The following LRRC7 variants were observed in gnomAD, a reference collection of about 807,000 sequenced individuals.
LRRC7 encodes leucine rich repeat containing 7, also known as leucine-rich repeat-containing protein 7.
LRRC7 carries 23 observed loss-of-function variants against 175.7 expected under a neutral mutation model. That is an observed-to-expected ratio of 0.13 (90% CI 0.09 to 0.19). LRRC7 has a LOEUF of 0.19. Among genes scored for constraint, LRRC7 ranks in the 10% least tolerant of loss-of-function variants. LRRC7 has a pLI of 1.00. For synonymous variants in LRRC7, 685 were observed against 680.9 expected (o/e 1.01, Z -0.09); for missense variants, 1,354 against 1,904.7 (o/e 0.71, Z 5.38).
At chr1:69,976,581 C>T (rs959943451) in intron 8 of LRRC7, among the ~76,000 whole-genome samples, 1 of 152,256 alleles carries the variant, frequency 6.6e-6, no homozygotes, top group Non-Finnish European at 1.5e-5. Flanking sequence ...ACCAAGGTTA[C>T]TAGTGACCTA....
chr1:69,775,225 A>G (rs1344499170), intron 3 of LRRC7, among the ~76,000 whole-genome samples: 1 of 152,222 alleles, frequency 6.6e-6, no homozygotes. Context: ...AATAAGGTAA[A>G]AAGTAAAAAT....
intron 1 of LRRC7, among the ~76,000 whole-genome samples, chr1:69,586,880 A>G (rs1646425240): frequency 6.6e-6 from 1 of 152,062 alleles, no homozygotes; most frequent in Non-Finnish European, 1.5e-5. Context: ...TAAACTTTGG[A>G]TTTTCTATTT....
At position 70,137,262 on chromosome 1, in the gene LRRC7, T is replaced by A. The variant is rs1419326233; in HGVS notation, c.*15375T>A. ...CTTTCCAAGGAGTAACCCTTTTGGG[T>A]CAAAGTCAGAGGGGGCTTGCTGGAA... On this transcript the variant is annotated 3_prime_UTR_variant, in exon 27 of 27. Coordinates refer to ENST00000651989, the MANE Select transcript of LRRC7 (RefSeq NM_001370785.2). Among the ~76,000 whole-genome samples, 1 of 152,070 alleles carries A rather than the reference T, an allele frequency of 6.6e-6. No homozygotes were observed. Among genetic ancestry groups the A allele is most frequent in the African/African-American group, 2.4e-5 (1 of 41,400 alleles).
chr1:69,686,387 G>A (rs1411328390), intron 2 of LRRC7, among the ~76,000 whole-genome samples: 2 of 152,150 alleles, frequency 1.3e-5, no homozygotes, highest in African/African-American at 4.8e-5. Context: ...CATGGTTGAA[G>A]CAAAAACTAT....
intron 2 of LRRC7, among the ~76,000 whole-genome samples, chr1:69,686,538 T>A (rs574929067): frequency 2.9e-4 from 44 of 152,270 alleles, no homozygotes; most frequent in African/African-American, 9.6e-4. Context: ...ACCAGTAGAC[T>A]GTGATAAGTT....
At chr1:69,678,314 C>T in intron 1 of LRRC7, 67 bp from the exon 2 acceptor site, 1 of 1,141,066 alleles carries the variant, frequency 8.8e-7, no homozygotes, top group Non-Finnish European at 1.3e-6. Context: ...AATTTTAGAC[C>T]ATTTAACTTG....
chr1:70,049,779 A>C (rs949240894), intron 22 of LRRC7, among the ~76,000 whole-genome samples: 1 of 151,994 alleles, frequency 6.6e-6, no homozygotes, highest in African/African-American at 2.4e-5. Context: ...TTTTTTCCAA[A>C]AGATAAGATG....
chr1:69,752,973 G>C (rs1257115288), intron 2 of LRRC7, among the ~76,000 whole-genome samples: 2 of 152,082 alleles, frequency 1.3e-5, no homozygotes, highest in Admixed American at 1.3e-4. Context: ...TGGTAACACA[G>C]GAAACCGGAT....
intron 21 of LRRC7, among the ~76,000 whole-genome samples, chr1:70,040,961 T>G (rs1558018318): frequency 1.3e-5 from 2 of 152,230 alleles, no homozygotes; most frequent in Non-Finnish European, 2.9e-5. Context: ...TTTCTAGAAC[T>G]ATCTTCAATT....
At chr1:69,824,436 T>C (rs12745809) in intron 4 of LRRC7, among the ~76,000 whole-genome samples, 60,206 of 152,056 alleles carry the variant, frequency 0.4, 13,466 homozygotes, top group East Asian at 0.55. Flanking sequence ...ATTAAATTCA[T>C]ACACAATGGA....
At position 69,950,682 on chromosome 1, in the gene LRRC7, C is replaced by T. The variant is rs1455405900; in HGVS notation, c.711+19112C>T. ...GTGCTAAAATTTTAATAGAAACAGA[C>T]GGAAACCAATGATAATTGAAAATTA... On this transcript the variant is annotated intron_variant, in intron 8 of 26. Transcript: ENST00000651989. Among the ~76,000 whole-genome samples the T allele has an allele frequency of 5.9e-5, 9 of 151,522 alleles. No individual in the cohort carries two copies. In the South Asian group the frequency reaches 8.4e-4, roughly 14 times the overall value.
chr1:69,825,717 T>G (rs772467244), intron 4 of LRRC7, 31 bp from the exon 5 acceptor site: 2 of 1,404,374 alleles, frequency 1.4e-6, no homozygotes, highest in South Asian at 1.2e-5. Context: ...GTTGGAACAT[T>G]TTCATGTACT....
chr1:69,886,231 A>G (rs541077508), intron 7 of LRRC7, among the ~76,000 whole-genome samples: 3 of 152,004 alleles, frequency 2.0e-5, no homozygotes, highest in African/African-American at 4.8e-5. Flanking sequence ...AAAGTCTCCC[A>G]TTGTTAATGT....
intron 1 of LRRC7, among the ~76,000 whole-genome samples, chr1:69,635,008 C>CG (rs1653099966): frequency 6.6e-6 from 1 of 151,942 alleles, no homozygotes; most frequent in African/African-American, 2.4e-5. Context: ...AGTTGTGTTA[C>CG]GGGGGTTTGT....
intron 24 of LRRC7, among the ~76,000 whole-genome samples, chr1:70,078,769 T>C (rs571928449): frequency 6.7e-6 from 1 of 149,510 alleles, no homozygotes; most frequent in Non-Finnish European, 1.5e-5. Flanking sequence ...TTTGTCAGAG[T>C]CAAATAATAC....
intron 7 of LRRC7, among the ~76,000 whole-genome samples, chr1:69,903,137 C>T (rs1024633761): frequency 7.9e-5 from 12 of 152,164 alleles, no homozygotes; most frequent in African/African-American, 2.4e-4. Context: ...AGAAAGTTAT[C>T]CTAAGTGAAA....
chr1:69,891,780 C>A (rs913912468), intron 7 of LRRC7, among the ~76,000 whole-genome samples: 1 of 151,784 alleles, frequency 6.6e-6, no homozygotes, highest in African/African-American at 2.4e-5. Flanking sequence ...ATAGATAAAA[C>A]AATAAAGGAA....
intron 1 of LRRC7, among the ~76,000 whole-genome samples, chr1:69,626,555 A>T (rs1414646927): frequency 6.6e-6 from 1 of 151,944 alleles, no homozygotes; most frequent in Non-Finnish European, 1.5e-5. Context: ...ACTTTATTTT[A>T]AAATTTTATT....
At chr1:69,627,789 G>A (rs1749480) in intron 1 of LRRC7, among the ~76,000 whole-genome samples, 19,484 of 151,754 alleles carry the variant, frequency 0.13, 1,605 homozygotes, top group South Asian at 0.19. Flanking sequence ...AATTTTTGTT[G>A]TATATGTTTT....
Sources: allele counts gnomAD v4.1 joint callset (sites outside exome capture counted in the v4.1 genomes callset), GRCh38; gene constraint gnomAD v4.1.1; transcripts MANE v1.5; gene names NCBI Gene and HGNC (gene_info 2026-07-23, HGNC 2026-07-21).